The following PTPRM variants were observed in gnomAD, a reference collection of about 807,000 sequenced individuals.
PTPRM encodes the protein protein tyrosine phosphatase receptor type M, also known as receptor-type tyrosine-protein phosphatase mu.
A neutral mutation model predicts 186.7 loss-of-function variants in PTPRM; 47 were observed. The observed-to-expected ratio is 0.25, with a 90% CI of 0.20 to 0.32. PTPRM has a LOEUF of 0.32. PTPRM is among the 10% of genes least tolerant of loss of function. The probability of loss-of-function intolerance (pLI) is 1.00; values close to 1 mark genes in which losing one functional copy is unlikely to be tolerated. For missense variants in PTPRM, 1,494 were observed against 1,865.0 expected (o/e 0.80, Z 3.66); for synonymous variants, 668 against 674.9 (o/e 0.99, Z 0.16).
intron 5 of PTPRM, among the ~76,000 whole-genome samples, chr18:7,935,363 C>T (rs2051741329): frequency 6.6e-6 from 1 of 151,304 alleles, no homozygotes. Context: ...ACTGAAGCTA[C>T]TGAAAACCTT....
intron 1 of PTPRM, among the ~76,000 whole-genome samples, chr18:7,683,186 G>C (rs1362760152): frequency 1.6e-5 from 2 of 122,284 alleles, no homozygotes; most frequent in Non-Finnish European, 3.2e-5. Context: ...TTTTTTTTGA[G>C]ATGGGGTCTT....
chr18:8,110,933 C>G (rs919095222), intron 11 of PTPRM, among the ~76,000 whole-genome samples: 1 of 152,192 alleles, frequency 6.6e-6, no homozygotes, highest in Admixed American at 6.5e-5. Context: ...AAATTCCCTT[C>G]AGGCCAGATG....
intron 3 of PTPRM, among the ~76,000 whole-genome samples, chr18:7,902,851 T>TG (rs1599393797): frequency 8.2e-6 from 1 of 122,674 alleles, no homozygotes; most frequent in East Asian, 2.2e-4. Flanking sequence ...TTTTTTTTTT[T>TG]GTACTCTCCT....
intron 31 of PTPRM, among the ~76,000 whole-genome samples, chr18:8,388,244 G>A (rs1049348000): frequency 3.9e-5 from 6 of 152,206 alleles, no homozygotes; most frequent in Non-Finnish European, 2.9e-5. Context: ...GAAATTTAAA[G>A]GATAAGCGAA....
intron 19 of PTPRM, 93 bp from the exon 20 acceptor site, chr18:8,296,275 C>T: frequency 1.3e-6 from 1 of 765,198 alleles, no homozygotes; most frequent in Non-Finnish European, 2.3e-6. Flanking sequence ...CCTTCTTGAC[C>T]CTTGTTCTAC....
chr18:7,582,196 C>T (rs1319030019), intron 1 of PTPRM, among the ~76,000 whole-genome samples: 4 of 152,164 alleles, frequency 2.6e-5, no homozygotes, highest in Non-Finnish European at 1.5e-5. Flanking sequence ...AAACAACCAC[C>T]ATTTACTATT....
At chr18:8,371,918 A>C (rs2095664651) in intron 24 of PTPRM, 1 of 152,272 alleles carries the variant, frequency 6.6e-6, no homozygotes. Flanking sequence ...AGCCCTGCAC[A>C]GCTGCCCTGG....
chr18:8,087,205 C>T (rs183505262), intron 10 of PTPRM, among the ~76,000 whole-genome samples: 8 of 152,118 alleles, frequency 5.3e-5, no homozygotes, highest in South Asian at 2.1e-4. Context: ...ATATATACCT[C>T]GAAGCATGTT....
At chr18:7,629,994 G>A (rs559000008) in intron 1 of PTPRM, among the ~76,000 whole-genome samples, 87 of 152,158 alleles carry the variant, frequency 5.7e-4, no homozygotes, top group African/African-American at 2.1e-3. Flanking sequence ...CAGATCATGG[G>A]GATAAGGGTA....
intron 23 of PTPRM, among the ~76,000 whole-genome samples, chr18:8,351,407 C>T (rs568490394): frequency 7.9e-5 from 12 of 152,318 alleles, no homozygotes; most frequent in Admixed American, 4.6e-4. Context: ...TTCTGTGTCA[C>T]GGGATTACTG....
At chr18:8,056,184 A>G (rs1296060629) in intron 7 of PTPRM, among the ~76,000 whole-genome samples, 1 of 152,202 alleles carries the variant, frequency 6.6e-6, no homozygotes, top group African/African-American at 2.4e-5. Context: ...ATACAAACAC[A>G]ATAATAATAT....
Position 8,260,520 on chromosome 18 carries a change from A to G in PTPRM, c.2754+7106A>G, listed in dbSNP as rs189256355. ...AGCCAGTTTTGCCAGAGCATGACTCACTCATTAGCATGAGGATGGCACCAA... is the reference window on the plus strand; with the variant it reads ...AGCCAGTTTTGCCAGAGCATGACTCGCTCATTAGCATGAGGATGGCACCAA... On this transcript the variant is annotated intron_variant, in intron 19 of 32. Transcript: ENST00000580170. Among the ~76,000 whole-genome samples, 347 of 152,028 alleles carry G rather than the reference A, an allele frequency of 2.3e-3. 1 individual carries two copies. The highest frequency in any genetic ancestry group is 7.7e-3 in the African/African-American group (321 of 41,448).
At chr18:7,764,109 T>C (rs1344090070) in intron 1 of PTPRM, among the ~76,000 whole-genome samples, 2 of 152,158 alleles carry the variant, frequency 1.3e-5, no homozygotes, top group Non-Finnish European at 2.9e-5. Context: ...ATTCAACACT[T>C]TGATCCAGCC....
At chr18:7,920,795 G>T (rs1188413210) in intron 4 of PTPRM, among the ~76,000 whole-genome samples, 2 of 152,020 alleles carry the variant, frequency 1.3e-5, no homozygotes, top group Non-Finnish European at 2.9e-5. Flanking sequence ...TAATAGTGAT[G>T]AATTTTCTCA....
intron 8 of PTPRM, among the ~76,000 whole-genome samples, chr18:8,071,130 G>A (rs377365866): frequency 6.6e-5 from 10 of 152,226 alleles, no homozygotes; most frequent in African/African-American, 2.2e-4. Flanking sequence ...AGTTGTTTGA[G>A]AGGGAGTCTA....
At chr18:7,851,444 G>A (rs1452453838) in intron 2 of PTPRM, among the ~76,000 whole-genome samples, 2 of 152,080 alleles carry the variant, frequency 1.3e-5, no homozygotes, top group East Asian at 1.9e-4. Flanking sequence ...AGTCTTAAAA[G>A]CAGCCAGAGA....
At chr18:7,784,000 G>C (rs1034656320) in intron 2 of PTPRM, among the ~76,000 whole-genome samples, 1 of 152,036 alleles carries the variant, frequency 6.6e-6, no homozygotes, top group Non-Finnish European at 1.5e-5. Context: ...CTGGCCAGTG[G>C]ATGGTGACGT....
At chr18:7,631,357 AAT>A (rs760233885) in intron 1 of PTPRM, among the ~76,000 whole-genome samples, 4 of 151,984 alleles carry the variant, frequency 2.6e-5, no homozygotes, top group Non-Finnish European at 5.9e-5. Flanking sequence ...GCTTTTCTAT[AAT>A]AGTGATTCTC....
Position 7,988,249 on chromosome 18 carries a change from A to G in PTPRM, c.1132+32835A>G, listed in dbSNP as rs73383854. ...AAAAAAAACCAAACAAACAAAAAAG[A>G]AAATGCAAATGATTTAGAGATACTT... On this transcript the variant is annotated intron_variant, in intron 7 of 32. Coordinates refer to ENST00000580170, the MANE Select transcript of PTPRM (RefSeq NM_001105244.2). Among the ~76,000 whole-genome samples, 1,224 of 152,248 alleles carry G rather than the reference A, an allele frequency of 8.0e-3. 20 individuals are homozygous for G. The highest frequency in any genetic ancestry group is 0.028 in the African/African-American group (1,182 of 41,534).
Sources: allele counts gnomAD v4.1 joint callset (sites outside exome capture counted in the v4.1 genomes callset), GRCh38; gene constraint gnomAD v4.1.1; transcripts MANE v1.5; gene names NCBI Gene and HGNC (gene_info 2026-07-23, HGNC 2026-07-21).